Variants in NXF3 observed in about 807,000 individuals in gnomAD.
The protein encoded by NXF3 is nuclear RNA export factor 3.
A neutral mutation model predicts 48.4 loss-of-function variants in NXF3; 34 were observed. The observed-to-expected ratio is 0.70, with a 90% confidence interval of 0.53 to 0.93. NXF3 has a LOEUF of 0.93. NXF3 is among the 40% of genes least tolerant of loss of function. NXF3 has a pLI of 0.00. For synonymous variants in NXF3, 132 were observed against 145.7 expected (o/e 0.91, Z 0.68); for missense variants, 359 against 406.1 (o/e 0.88, Z 1.00).
chrX:103,079,809 C>A lies in NXF3; in HGVS notation c.1114G>T (p.Ala372Ser). 2 of 1,210,921 alleles carry A rather than the reference C, an allele frequency of 1.7e-6. No individual in the cohort carries two copies. Among genetic ancestry groups the A allele is most frequent in the Non-Finnish European group, 2.2e-6 (2 of 895,253 alleles). The stretch of plus-strand genomic sequence containing the variant: ...AAGGGAATGCTCAGGGAGAAGCAGG[C>A]CTCATCGTGGTAAGCACTAAGGAGA... Reference protein sequence around the residue: ...QGLLSAYHDEACFSLSIPFNP... With the variant: ...QGLLSAYHDESCFSLSIPFNP... The change falls in exon 13 of 20, where the codon GCC becomes TCC. Residue 372 changes from alanine to serine, a missense_variant. Ala to Ser is a moderately conservative substitution (Grantham distance 99). Transcript: ENST00000395065.
Position 103,093,059 on chromosome X carries a change from ATC to A in NXF3, c.-38_-37del, listed in dbSNP as rs1922317010. ...TCCTTATAGGGCTCTCTTGAGGAGA[ATC>A]TGTGTGGCCTGGGGACGGGAGTTTG... is the stretch of plus-strand genomic sequence containing the variant. On this transcript the variant is annotated 5_prime_UTR_variant, in exon 1 of 20. Coordinates refer to ENST00000395065, the MANE Select transcript of NXF3 (RefSeq NM_022052.2). 1 of 1,173,529 alleles carries A rather than the reference ATC, an allele frequency of 8.5e-7. No homozygotes were observed. Among genetic ancestry groups the A allele is most frequent in the African/African-American group, 1.8e-5 (1 of 56,653 alleles).
At position 103,084,713 on chromosome X, in the gene NXF3, A is replaced by C; in HGVS notation, c.197+2T>G. The C allele has an allele frequency of 1.7e-6, 2 of 1,210,430 alleles. No homozygotes were observed. ...CAGCCATGCTGACTACTGGTCACTT[A>C]CTATCTTACTGGAGAGTCCATGTGG... On this transcript the variant is annotated splice_donor_variant, in intron 2 of 19. Coordinates refer to ENST00000395065, the MANE Select transcript of NXF3 (RefSeq NM_022052.2). LOFTEE classifies it high-confidence loss of function.
At chrX:103,082,468 G>T in intron 8 of NXF3, 104 bp from the exon 9 acceptor site, 1 of 542,416 alleles carries the variant, frequency 1.8e-6, no homozygotes, top group Non-Finnish European at 3.2e-6. Context: ...CTTGCCTCTT[G>T]TCACTACCCT....
chrX:103,087,769 G>A (rs1225320462), intron 1 of NXF3: 6 of 934,284 alleles, frequency 6.4e-6, no homozygotes, highest in South Asian at 2.1e-5. Flanking sequence ...AATGTCTCTC[G>A]TGTAGTAAAT....
chrX:103,080,265 A>G, intron 10 of NXF3, 49 bp from the exon 11 acceptor site: 1 of 1,126,873 alleles, frequency 8.9e-7, no homozygotes. Flanking sequence ...GAGGTGGCAC[A>G]GAAAATTACG....
At chrX:103,090,995 A>C (rs1341054244) in intron 1 of NXF3, among the ~76,000 whole-genome samples, 1 of 112,432 alleles carries the variant, frequency 8.9e-6, no homozygotes, top group Non-Finnish European at 1.9e-5. Context: ...AAAGCAAGGA[A>C]TAGCTAGTTT....
rs752115476 is a variant in NXF3, at chrX:103,092,993, C to T, written c.28+3G>A. ...GACTCCAGCCTCATGCTGGCCAACTCACCCGTAGTGTGTCCTGAAGGCAGT... is the reference window on the plus strand; with the variant it reads ...GACTCCAGCCTCATGCTGGCCAACTTACCCGTAGTGTGTCCTGAAGGCAGT... On this transcript the variant is annotated splice_donor_region_variant and intron_variant, in intron 1 of 19. Coordinates refer to ENST00000395065, the MANE Select transcript of NXF3 (RefSeq NM_022052.2). The T allele has an allele frequency of 8.3e-7, 1 of 1,209,759 alleles. No homozygotes were observed. Among genetic ancestry groups the T allele is most frequent in the South Asian group, 1.8e-5 (1 of 56,658 alleles).
At position 103,092,938 on chromosome X, in the gene NXF3, G is replaced by A; in HGVS notation, c.28+58C>T. The A allele has an allele frequency of 5.4e-6, 6 of 1,113,986 alleles. No individual in the cohort carries two copies. The Admixed American group carries it at 1.3e-4, about 24-fold the overall frequency. The allele number at this position is 1,113,986 out of a possible 1,213,427, so 91.8% of individuals were successfully genotyped here. On this transcript the variant is annotated intron_variant, in intron 1 of 19. Coordinates refer to ENST00000395065, the MANE Select transcript of NXF3 (RefSeq NM_022052.2). The stretch of plus-strand genomic sequence containing the variant: ...GGGTTAGGGTAAGGTGGGGAAGGGG[G>A]CTCAGTCCCTTTTGCCCTGTGAGAC...
intron 7 of NXF3, 35 bp from the exon 8 acceptor site, chrX:103,082,883 G>A (rs1922050533): frequency 8.6e-7 from 1 of 1,166,458 alleles, no homozygotes; most frequent in East Asian, 3.0e-5. Flanking sequence ...TCAGAAGTCT[G>A]AGAGGGACCC....
chrX:103,082,829 A>G lies in NXF3; in HGVS notation c.711T>C (p.Thr237=). ...PFYPDMVNRD[T]KMASNPRKCM... is the part of the protein sequence containing the mutation. Reference sequence around the variant, plus strand: ...ACTTTCTAGGATTCGATGCCATCTTAGTATCACGGTTCACCATGTCTCCAG... The same window carrying G: ...ACTTTCTAGGATTCGATGCCATCTTGGTATCACGGTTCACCATGTCTCCAG... Residue 237 remains threonine, a synonymous_variant, in exon 8 of 20, where the codon ACT becomes ACC. Transcript: ENST00000395065. 1 of 1,209,874 alleles carries G rather than the reference A, an allele frequency of 8.3e-7. No homozygotes were observed. The highest frequency in any genetic ancestry group is 2.3e-4 in the Middle Eastern group (1 of 4,339).
intron 16 of NXF3, among the ~76,000 whole-genome samples, chrX:103,078,896 G>A (rs1921937928): frequency 8.9e-6 from 1 of 112,290 alleles, no homozygotes; most frequent in South Asian, 3.7e-4. Context: ...TAGCCCAAGA[G>A]ATGGGTTATT....
intron 16 of NXF3, among the ~76,000 whole-genome samples, chrX:103,078,982 A>G (rs944231455): frequency 8.9e-6 from 1 of 112,704 alleles, no homozygotes; most frequent in African/African-American, 3.2e-5. Context: ...ACCTGGGATG[A>G]GAGCTGTCAG....
intron 9 of NXF3, chrX:103,081,356 A>G (rs1464960278): frequency 8.9e-6 from 1 of 111,819 alleles, no homozygotes; most frequent in Non-Finnish European, 1.9e-5. Context: ...CTCCCGGGAG[A>G]AGTGAAGGGT....
intron 9 of NXF3, 75 bp from the exon 10 acceptor site, chrX:103,080,687 C>T (rs1215157527): frequency 3.0e-6 from 3 of 988,306 alleles, no homozygotes; most frequent in African/African-American, 3.8e-5. Flanking sequence ...AGCAATCACA[C>T]CTACGTCAGA....
chrX:103,088,278 G>A, intron 1 of NXF3: 1 of 581,131 alleles, frequency 1.7e-6, no homozygotes, highest in Non-Finnish European at 2.8e-6. Context: ...TATTTAAAAA[G>A]AGATTCTTGA....
Position 103,082,249 on chromosome X carries a change from A to G in NXF3, c.890+6T>C. 8.5e-7 allele frequency: 1 copy of G among 1,178,665 alleles called. No individual in the cohort carries two copies. Among genetic ancestry groups the G allele is most frequent in the Non-Finnish European group, 1.2e-6 (1 of 865,465 alleles). ...GTCCCAGGTGGTGACAGAGGGTACA[A>G]CTGACTTTATGTTGCTGGAGGTATC... On this transcript the variant is annotated splice_donor_region_variant and intron_variant, in intron 9 of 19. Transcript: ENST00000395065.
intron 1 of NXF3, among the ~76,000 whole-genome samples, chrX:103,091,803 G>A (rs200650659): frequency 9.2e-6 from 1 of 109,149 alleles, no homozygotes; most frequent in Admixed American, 9.8e-5. Context: ...GGCTAACACC[G>A]TGAAACCCCG....
intron 17 of NXF3, 73 bp downstream of exon 17, chrX:103,078,487 A>G: frequency 1.7e-6 from 2 of 1,189,917 alleles, no homozygotes; most frequent in Non-Finnish European, 2.3e-6. Context: ...CACCCCGAGG[A>G]CTGCACCACC....
chrX:103,076,101 G>T, intron 19 of NXF3, 101 bp from the exon 20 acceptor site: 1 of 473,946 alleles, frequency 2.1e-6, no homozygotes, highest in Non-Finnish European at 3.8e-6. Context: ...GTCAGTCTGT[G>T]TGAGGGCCTT....
Sources: gnomAD v4.1 joint callset for allele counts (sites outside exome capture counted in the v4.1 genomes callset) on GRCh38, gnomAD v4.1.1 for gene constraint, MANE v1.5 for transcripts, NCBI Gene and HGNC (gene_info 2026-07-23, HGNC 2026-07-21) for gene names.